The following COL15A1 variants were observed in gnomAD, a reference collection of about 807,000 sequenced individuals.
The protein encoded by COL15A1 is collagen alpha-1(XV) chain.
Under a neutral mutation model 165.9 loss-of-function variants are expected in COL15A1, and 111 were observed. That is an observed-to-expected ratio of 0.67 (90% confidence interval 0.57 to 0.78). The LOEUF is 0.78. Ranked by LOEUF, COL15A1 falls within the 30% of genes least tolerant of loss-of-function variation. COL15A1 has a pLI of 0.00. For missense variants in COL15A1, 1,745 were observed against 1,789.7 expected (o/e 0.98, Z 0.45); for synonymous variants, 659 against 674.8 (o/e 0.98, Z 0.36).
At chr9:99,038,762 G>T (rs1384273397) in intron 22 of COL15A1, 29 bp downstream of exon 22, 8 of 1,458,672 alleles carry the variant, frequency 5.5e-6, no homozygotes, top group Non-Finnish European at 7.7e-6. Flanking sequence ...CCCAGAATGT[G>T]GCTTTTACCC....
intron 16 of COL15A1, among the ~76,000 whole-genome samples, chr9:99,034,210 T>C (rs572889995): frequency 3.3e-5 from 5 of 152,286 alleles, no homozygotes; most frequent in Non-Finnish European, 7.4e-5. Context: ...ACCTCCGTCA[T>C]GGGAAGGGTG....
intron 2 of COL15A1, 86 bp downstream of exon 2, chr9:98,944,336 G>A (rs897554790): frequency 2.3e-6 from 3 of 1,295,966 alleles, no homozygotes; most frequent in African/African-American, 1.5e-5. Context: ...GCTGCGATGC[G>A]TGCCTCATTC....
intron 39 of COL15A1, among the ~76,000 whole-genome samples, chr9:99,064,194 G>A (rs1825860097): frequency 1.3e-5 from 2 of 152,260 alleles, no homozygotes; most frequent in South Asian, 4.1e-4. Context: ...AAGTCTGTGT[G>A]ATCTTACAGC....
At chr9:99,060,640 C>A (rs1825800811) in intron 36 of COL15A1, among the ~76,000 whole-genome samples, 1 of 152,040 alleles carries the variant, frequency 6.6e-6, no homozygotes, top group Non-Finnish European at 1.5e-5. Context: ...AATCCCAGCA[C>A]TTTGAGAGGC....
At chr9:99,048,863 C>T (rs1323612699) in intron 28 of COL15A1, among the ~76,000 whole-genome samples, 1 of 151,998 alleles carries the variant, frequency 6.6e-6, no homozygotes, top group Admixed American at 6.5e-5. Context: ...AGGCACCCAC[C>T]CAAGGTGACC....
rs552260670 is a variant in COL15A1, at chr9:99,070,009, C to T, written c.*123C>T. 71 of 746,224 alleles carry T rather than the reference C, an allele frequency of 9.5e-5. No individual in the cohort carries two copies. The highest frequency in any genetic ancestry group is 3.4e-4 in the Admixed American group (11 of 32,280). 46.2% of individuals were successfully genotyped at this position (746,224 alleles called of 1,614,324 possible). On this transcript the variant is annotated 3_prime_UTR_variant, in exon 42 of 42. Coordinates refer to ENST00000375001, the MANE Select transcript of COL15A1 (RefSeq NM_001855.5). ...TTTTTTTTTTACTACATATTCTTTA[C>T]AACAGCAACCAAAGAAAACATACCT...
chr9:99,059,851 T>C, intron 35 of COL15A1, 38 bp from the exon 36 acceptor site: 1 of 1,610,534 alleles, frequency 6.2e-7, no homozygotes, highest in South Asian at 1.1e-5. Context: ...TTTCAGAGTG[T>C]GGTTTTTGTG....
intron 2 of COL15A1, among the ~76,000 whole-genome samples, chr9:98,945,968 A>G (rs1308825927): frequency 6.6e-6 from 1 of 152,164 alleles, no homozygotes; most frequent in Non-Finnish European, 1.5e-5. Context: ...ATAATGTAAA[A>G]AGGGAGGGCC....
chr9:98,944,259 C>A lies in COL15A1; in HGVS notation c.100+9C>A, dbSNP rs199761983. ...GACCCGCGGTGCGACAGGTAAGCAA[C>A]CCGGTCGGAGGGTGGCACCGGCTGC... On this transcript the variant is annotated intron_variant, in intron 2 of 41. Coordinates refer to ENST00000375001, the MANE Select transcript of COL15A1 (RefSeq NM_001855.5). The A allele has an allele frequency of 1.0e-4, 162 of 1,612,942 alleles. 1 individual carries two copies. The African/African-American group carries it at 1.6e-3, about 16-fold the overall frequency.
Position 98,980,836 on chromosome 9 carries a change from C to T in COL15A1, c.101-4729C>T, listed in dbSNP as rs117086869. ...CACTATCACTACCGTTGAAAAGCCC[C>T]GTGGACCTCTCCCAAATTGCATCTC... On this transcript the variant is annotated intron_variant, in intron 2 of 41. Transcript: ENST00000375001. 2.7e-3 allele frequency among the ~76,000 whole-genome samples: 406 copies of T among 152,290 alleles called. 6 individuals carry two copies. In the East Asian group the frequency reaches 0.047, roughly 18 times the overall value.
chr9:98,978,697 A>G (rs1266048352), intron 2 of COL15A1, among the ~76,000 whole-genome samples: 1 of 152,180 alleles, frequency 6.6e-6, no homozygotes, highest in Non-Finnish European at 1.5e-5. Context: ...CAAGAAGAAT[A>G]GGTTTTATGA....
intron 2 of COL15A1, among the ~76,000 whole-genome samples, chr9:98,964,221 T>G (rs1837917057): frequency 8.3e-6 from 1 of 120,470 alleles, no homozygotes; most frequent in South Asian, 3.0e-4. Flanking sequence ...CCCCCATTCT[T>G]GGTCTCTAGT....
intron 2 of COL15A1, among the ~76,000 whole-genome samples, chr9:98,968,225 A>G (rs548146435): frequency 3.9e-5 from 6 of 152,364 alleles, no homozygotes; most frequent in African/African-American, 1.2e-4. Flanking sequence ...CTCACTTGCA[A>G]TCGTGCTTGG....
Position 99,036,214 on chromosome 9 carries a change from A to G in COL15A1, c.2325+9A>G, listed in dbSNP as rs767479023. The G allele has an allele frequency of 9.3e-6, 15 of 1,613,442 alleles. No individual in the cohort carries two copies. Among genetic ancestry groups the G allele is most frequent in the Non-Finnish European group, 1.3e-5 (15 of 1,179,418 alleles). On this transcript the variant is annotated intron_variant, in intron 20 of 41. Transcript: ENST00000375001. ...GAGACCGGGGACCCAAGGTGAGGTCACAGAGCCAAGGTGGGGGTGGGAGGG... is the reference window on the plus strand; with the variant it reads ...GAGACCGGGGACCCAAGGTGAGGTCGCAGAGCCAAGGTGGGGGTGGGAGGG...
At chr9:98,999,025 C>A (rs188352595) in intron 6 of COL15A1, among the ~76,000 whole-genome samples, 21 of 152,322 alleles carry the variant, frequency 1.4e-4, no homozygotes, top group African/African-American at 5.1e-4. Flanking sequence ...GACAGGCAAT[C>A]GGCTGCTTGC....
chr9:99,043,671 C>G (rs1839449363), intron 24 of COL15A1, among the ~76,000 whole-genome samples: 1 of 152,144 alleles, frequency 6.6e-6, no homozygotes, highest in Non-Finnish European at 1.5e-5. Flanking sequence ...AAAGAGGCTG[C>G]TCTGCTTGCT....
rs567583363 is a variant in COL15A1 at position 98,975,861 on chromosome 9, C to T, written c.101-9704C>T. Among the ~76,000 whole-genome samples the T allele has an allele frequency of 5.3e-5, 8 of 152,218 alleles. No homozygotes were observed. The South Asian group carries it at 8.3e-4, about 16-fold the overall frequency. The stretch of plus-strand genomic sequence containing the variant: ...TTTTGCAGAGTGAGAGTGGGGCCCC[C>T]GTGTGTTGGGGTGCAGCTGAGCCTG... On this transcript the variant is annotated intron_variant, in intron 2 of 41. Coordinates refer to ENST00000375001, the MANE Select transcript of COL15A1 (RefSeq NM_001855.5).
rs750017577 is a variant in COL15A1, at chr9:99,035,331, A to G, written c.2221-19A>G. The G allele has an allele frequency of 4.3e-6, 7 of 1,613,918 alleles. No homozygotes were observed. Among genetic ancestry groups the G allele is most frequent in the Non-Finnish European group, 5.9e-6 (7 of 1,179,860 alleles). On this transcript the variant is annotated intron_variant, in intron 18 of 41. Transcript: ENST00000375001. The stretch of plus-strand genomic sequence containing the variant: ...CCCAGGAACTGGATCTGAAATTCTC[A>G]TTCTTGCTCCTTCCCCAGGATACCG...
chr9:98,986,808 G>A (rs1257059399), intron 3 of COL15A1, among the ~76,000 whole-genome samples: 1 of 152,206 alleles, frequency 6.6e-6, no homozygotes, highest in African/African-American at 2.4e-5. Flanking sequence ...AAACACAAAG[G>A]GCAATTTTTA....
Sources: allele counts gnomAD v4.1 joint callset (sites outside exome capture counted in the v4.1 genomes callset), GRCh38; gene constraint gnomAD v4.1.1; transcripts MANE v1.5; gene names NCBI Gene and HGNC (gene_info 2026-07-23, HGNC 2026-07-21).